FLT3: variants seen among roughly 807,000 people sequenced by gnomAD.
FLT3 encodes receptor-type tyrosine-protein kinase FLT3.
Under a neutral mutation model 126.6 loss-of-function variants are expected in FLT3, and 46 were observed. That is an observed-to-expected ratio of 0.36 (90% confidence interval 0.29 to 0.46). FLT3 has a LOEUF of 0.46. Ranked by LOEUF, FLT3 falls within the 20% of genes least tolerant of loss-of-function variation. The pLI, the probability that FLT3 is intolerant of heterozygous loss-of-function variation, is 1.00. For synonymous variants in FLT3, 404 were observed against 434.4 expected (o/e 0.93, Z 0.87); for missense variants, 1,069 against 1,190.3 (o/e 0.90, Z 1.50).
intron 1 of FLT3, among the ~76,000 whole-genome samples, chr13:28,092,474 C>A (rs1005757221): frequency 6.6e-6 from 1 of 152,110 alleles, no homozygotes; most frequent in Non-Finnish European, 1.5e-5. Context: ...TCAAGTGATC[C>A]TCCTGCCTCA....
intron 4 of FLT3, among the ~76,000 whole-genome samples, chr13:28,053,676 A>G (rs942537875): frequency 3.5e-4 from 53 of 152,184 alleles, no homozygotes; most frequent in Non-Finnish European, 1.5e-4. Flanking sequence ...AGTGTTATCA[A>G]TCAATATGTA....
At chr13:28,028,377 A>G in intron 15 of FLT3, 89 bp from the exon 16 acceptor site, 1 of 694,248 alleles carries the variant, frequency 1.4e-6, no homozygotes, top group Non-Finnish European at 2.6e-6. Context: ...GCTCAGAGTC[A>G]ATCTGCATTA....
At chr13:28,045,583 G>A (rs1874776372) in intron 9 of FLT3, among the ~76,000 whole-genome samples, 1 of 152,188 alleles carries the variant, frequency 6.6e-6, no homozygotes, top group Non-Finnish European at 1.5e-5. Context: ...TGATGGGCCA[G>A]GCGCGGTGGC....
chr13:28,054,345 TG>T (rs925379666), intron 4 of FLT3, among the ~76,000 whole-genome samples: 2 of 151,840 alleles, frequency 1.3e-5, no homozygotes, highest in African/African-American at 4.8e-5. Flanking sequence ...AATAATTAAT[TG>T]GGAGTCCATT....
intron 1 of FLT3, among the ~76,000 whole-genome samples, chr13:28,095,328 T>A (rs968786629): frequency 1.3e-5 from 2 of 152,168 alleles, no homozygotes; most frequent in African/African-American, 4.8e-5. Flanking sequence ...CAGGCTGGAA[T>A]GCAGTGGCAT....
At chr13:28,028,403 A>T in intron 15 of FLT3, 115 bp from the exon 16 acceptor site, 2 of 636,446 alleles carry the variant, frequency 3.1e-6, no homozygotes, top group East Asian at 2.7e-5. Flanking sequence ...TTAAATTCAA[A>T]ATTATGAGAG....
intron 1 of FLT3, among the ~76,000 whole-genome samples, chr13:28,088,510 A>C (rs1331045280): frequency 6.6e-6 from 1 of 151,180 alleles, no homozygotes. Context: ...CTGGTCTTGA[A>C]CTGCTGACCT....
intron 2 of FLT3, 141 bp downstream of exon 2, chr13:28,070,350 C>A: frequency 3.1e-6 from 2 of 636,940 alleles, no homozygotes; most frequent in African/African-American, 1.8e-5. Context: ...AGTATAGATG[C>A]TCTGTTGGTA....
At chr13:28,073,362 A>C in intron 1 of FLT3, 1 of 421,222 alleles carries the variant, frequency 2.4e-6, no homozygotes, top group Non-Finnish European at 4.7e-6. Flanking sequence ...GAAAAAAAAA[A>C]AAAAAAAGCA....
In FLT3 at chr13:28,027,294, C is replaced by G; in HGVS notation, c.2054-53G>C. ...GCATACACAAAGCAAACTGTTATTT[C>G]AGAAGTCTATGTAGCAGACAACATA... On this transcript the variant is annotated intron_variant, in intron 16 of 23. Coordinates refer to ENST00000241453, the MANE Select transcript of FLT3 (RefSeq NM_004119.3). The G allele has an allele frequency of 2.0e-6, 3 of 1,472,150 alleles. No homozygotes were observed. In the South Asian group the frequency reaches 3.7e-5, roughly 18 times the overall value. The allele number at this position is 1,472,150 out of a possible 1,614,324, so 91.2% of individuals were successfully genotyped here. A position where few individuals can be genotyped will look rare whatever the true frequency, so the allele number is the denominator to read the frequency against.
intron 15 of FLT3, among the ~76,000 whole-genome samples, chr13:28,033,204 G>A (rs962274435): frequency 1.3e-5 from 2 of 151,354 alleles, no homozygotes; most frequent in Admixed American, 1.3e-4. Context: ...GTGAGGCTGA[G>A]GTGAGAGCAT....
chr13:28,052,751 T>C (rs1270436704), intron 4 of FLT3, 77 bp from the exon 5 acceptor site: 1 of 1,054,300 alleles, frequency 9.5e-7, no homozygotes, highest in African/African-American at 1.6e-5. Flanking sequence ...AAGGATTCTA[T>C]GTCATTATGA....
intron 2 of FLT3, among the ~76,000 whole-genome samples, chr13:28,065,035 A>C (rs1456707326): frequency 6.6e-6 from 1 of 152,204 alleles, no homozygotes; most frequent in Non-Finnish European, 1.5e-5. Context: ...ACTGATTTGC[A>C]ATGATTTCCT....
chr13:28,070,359 T>C, intron 2 of FLT3, 132 bp downstream of exon 2: 1 of 681,252 alleles, frequency 1.5e-6, no homozygotes, highest in Non-Finnish European at 2.5e-6. Flanking sequence ...GCTCTGTTGG[T>C]ACCAGATGTG....
intron 6 of FLT3, 38 bp from the exon 7 acceptor site, chr13:28,049,812 T>C (rs749042909): frequency 2.0e-6 from 3 of 1,520,000 alleles, no homozygotes; most frequent in East Asian, 4.5e-5. Flanking sequence ...AAAAAAAAAG[T>C]GATTTTTGCC....
Position 28,003,580 on chromosome 13 carries a change from A to G in FLT3, c.*472T>C, listed in dbSNP as rs1455282599. The G allele has an allele frequency of 4.1e-6, 1 of 242,948 alleles. No homozygotes were observed. The highest frequency in any genetic ancestry group is 8.1e-6 in the Non-Finnish European group (1 of 122,944). 15.0% of individuals were successfully genotyped at this position (242,948 alleles called of 1,614,324 possible). ...GTGAACTCCAGTTAAGACTTGCCCT[A>G]ATTATACCATGTAAATAATTCAATA... On this transcript the variant is annotated 3_prime_UTR_variant, in exon 24 of 24. Coordinates refer to ENST00000241453, the MANE Select transcript of FLT3 (RefSeq NM_004119.3).
intron 1 of FLT3, among the ~76,000 whole-genome samples, chr13:28,083,950 A>T (rs1261469432): frequency 1.3e-5 from 2 of 151,448 alleles, no homozygotes; most frequent in East Asian, 1.9e-4. Context: ...TTAATTTCTA[A>T]TTTTTTTGTT....
At chr13:28,083,239 T>C (rs750262851) in intron 1 of FLT3, among the ~76,000 whole-genome samples, 3 of 152,352 alleles carry the variant, frequency 2.0e-5, no homozygotes, top group East Asian at 1.9e-4. Flanking sequence ...GATAATCAGA[T>C]AGACTTGGTT....
At chr13:28,094,489 AT>A (rs1879324800) in intron 1 of FLT3, among the ~76,000 whole-genome samples, 3 of 151,826 alleles carry the variant, frequency 2.0e-5, no homozygotes, top group Admixed American at 6.6e-5. Flanking sequence ...CACTTTATAT[AT>A]TTTTTTCCTT....
Sources: allele counts gnomAD v4.1 joint callset (sites outside exome capture counted in the v4.1 genomes callset), GRCh38; gene constraint gnomAD v4.1.1; transcripts MANE v1.5; gene names NCBI Gene and HGNC (gene_info 2026-07-23, HGNC 2026-07-21).